TRABD: variants seen among roughly 807,000 people sequenced by gnomAD.
TRABD encodes TraB domain containing.
TRABD carries 23 observed loss-of-function variants against 39.6 expected under a neutral mutation model. The observed-to-expected ratio is 0.58, with a 90% CI of 0.42 to 0.82. The LOEUF is 0.82. TRABD is among the 40% of genes least tolerant of loss of function. The probability of loss-of-function intolerance (pLI) is 0.00; values close to 1 mark genes in which losing one functional copy is unlikely to be tolerated. For synonymous variants in TRABD, 243 were observed against 232.1 expected, an observed-to-expected ratio of 1.05 and a Z score of -0.43; for missense variants, 487 against 544.9, an observed-to-expected ratio of 0.89 and a Z score of 1.06.
intron 4 of TRABD, 78 bp downstream of exon 4, chr22:50,194,584 A>T: frequency 1.9e-6 from 3 of 1,539,804 alleles, no homozygotes; most frequent in Non-Finnish European, 2.6e-6. Flanking sequence ...ACCTCCCGGC[A>T]GGGCCCGTGT....
intron 5 of TRABD, 51 bp downstream of exon 5, chr22:50,195,091 T>C (rs1308309417): frequency 6.7e-7 from 1 of 1,502,906 alleles, no homozygotes; most frequent in Non-Finnish European, 8.9e-7. Context: ...CAAAGCCACC[T>C]GTTTGCCTGT....
intron 6 of TRABD, 46 bp downstream of exon 6, chr22:50,197,397 C>T: frequency 6.2e-7 from 1 of 1,612,232 alleles, no homozygotes; most frequent in Non-Finnish European, 8.5e-7. Context: ...ATGTGGCTCA[C>T]AGGGGTGGTC....
chr22:50,194,836 C>A, intron 4 of TRABD, 64 bp from the exon 5 acceptor site: 1 of 1,569,208 alleles, frequency 6.4e-7, no homozygotes, highest in South Asian at 1.2e-5. Flanking sequence ...CTGGTGCTGG[C>A]GTCAGCTGTG....
Position 50,197,878 on chromosome 22 carries a change from G to C in TRABD, c.727G>C (p.Glu243Gln). 1 of 1,611,852 alleles carries C rather than the reference G, an allele frequency of 6.2e-7. No homozygotes were observed. Among genetic ancestry groups the C allele is most frequent in the Non-Finnish European group, 8.5e-7 (1 of 1,179,676 alleles). Reference protein sequence around the residue: ...QKDLLEQMMAEMIGEFPDLHR... With the variant: ...QKDLLEQMMAQMIGEFPDLHR... ...GGACCTACTGGAGCAGATGATGGCCGAGATGATTGGCGAGTTCCCAGACCT... is the reference window on the plus strand; with the variant it reads ...GGACCTACTGGAGCAGATGATGGCCCAGATGATTGGCGAGTTCCCAGACCT... The change falls in exon 8 of 10, where the codon GAG (glutamate) becomes CAG (glutamine). Residue 243 changes from glutamate to glutamine, a missense_variant. Glu to Gln is a conservative substitution (Grantham distance 29). This residue lies in a region of TRABD where 358 missense variants were observed against 414.7 expected (regional missense o/e 0.86). Coordinates refer to ENST00000380909, the MANE Select transcript of TRABD (RefSeq NM_001320485.2).
At position 50,188,631 on chromosome 22, in the gene TRABD, G is replaced by A. The variant is rs143963136; in HGVS notation, c.-35+2655G>A. ...GGGCTATGCACTCATGACCTCATCCGAACCTGATCACCTCCTGGAGGCCCT... is the reference window on the plus strand; with the variant it reads ...GGGCTATGCACTCATGACCTCATCCAAACCTGATCACCTCCTGGAGGCCCT... On this transcript the variant is annotated intron_variant, in intron 1 of 9. Coordinates refer to ENST00000380909, the MANE Select transcript of TRABD (RefSeq NM_001320485.2). Among the ~76,000 whole-genome samples the A allele has an allele frequency of 3.4e-3, 524 of 152,326 alleles. 4 individuals carry two copies. Among genetic ancestry groups the A allele is most frequent in the African/African-American group, 0.012 (504 of 41,564 alleles).
Position 50,194,325 on chromosome 22 carries a change from G to A in TRABD, c.113-15G>A, listed in dbSNP as rs752449545. The A allele has an allele frequency of 1.9e-6, 3 of 1,609,862 alleles. No individual in the cohort carries two copies. In the South Asian group the frequency reaches 3.3e-5, roughly 18 times the overall value. Reference sequence around the variant, plus strand: ...GGTGGGCCCGGCACCACAACGGCCTGTGCTGCTGTTGCAGCCGACGTGGAC... The same window carrying A: ...GGTGGGCCCGGCACCACAACGGCCTATGCTGCTGTTGCAGCCGACGTGGAC... On this transcript the variant is annotated splice_polypyrimidine_tract_variant and intron_variant, in intron 3 of 9. Transcript: ENST00000380909.
Position 50,198,879 on chromosome 22 carries a change from C to G in TRABD, c.*360C>G. The stretch of plus-strand genomic sequence containing the variant: ...GGGGGACAATGGCCACTGTCCCTAC[C>G]TCACTGTGCCTTCCTGTGCTCCGGC... On this transcript the variant is annotated 3_prime_UTR_variant, in exon 10 of 10. Transcript: ENST00000380909. This position sits in a 1 kb window ranked among gnomAD's most constrained non-coding sequence, Gnocchi z 7.9. The G allele has an allele frequency of 1.8e-6, 1 of 565,104 alleles. No homozygotes were observed. Among genetic ancestry groups the G allele is most frequent in the Non-Finnish European group, 3.2e-6 (1 of 313,378 alleles). The allele number at this position is 565,104 out of a possible 1,614,324, so 35.0% of individuals were successfully genotyped here. A position where few individuals can be genotyped will look rare whatever the true frequency, so the allele number is the denominator to read the frequency against.
intron 1 of TRABD, among the ~76,000 whole-genome samples, chr22:50,189,866 G>T (rs1207736884): frequency 6.6e-6 from 1 of 152,220 alleles, no homozygotes; most frequent in Admixed American, 6.5e-5. Flanking sequence ...CTGGGAACCA[G>T]GTGGGGGTTC....
In TRABD at chr22:50,197,229, C is replaced by T. The variant is rs751732498; in HGVS notation, c.421-12C>T. 4 of 1,612,330 alleles carry T rather than the reference C, an allele frequency of 2.5e-6. No homozygotes were observed. Among genetic ancestry groups the T allele is most frequent in the Non-Finnish European group, 3.4e-6 (4 of 1,179,292 alleles). On this transcript the variant is annotated splice_polypyrimidine_tract_variant and intron_variant, in intron 5 of 9. Coordinates refer to ENST00000380909, the MANE Select transcript of TRABD (RefSeq NM_001320485.2). Reference sequence around the variant, plus strand: ...CGCCCCTCCAGCTGATGCCTGCTCCCTCTCTCTGCAGAACGGGCTCATGTC... The same window carrying T: ...CGCCCCTCCAGCTGATGCCTGCTCCTTCTCTCTGCAGAACGGGCTCATGTC...
rs369837265 is a variant in TRABD, at chr22:50,194,452, G to A, written c.225G>A (p.Val75=). Residue 75 remains valine, a synonymous_variant, in exon 4 of 10, where the codon GTG becomes GTA. Coordinates refer to ENST00000380909, the MANE Select transcript of TRABD (RefSeq NM_001320485.2). The part of the protein sequence containing the change: ...TQLVAEDGSR[V]YVVGTAHFSD... Reference sequence around the variant, plus strand: ...TGGTGGCTGAGGACGGGAGCAGGGTGTACGTGGTGGGGACAGCCCACTTCA... The same window carrying A: ...TGGTGGCTGAGGACGGGAGCAGGGTATACGTGGTGGGGACAGCCCACTTCA... 1 of 1,610,544 alleles carries A rather than the reference G, an allele frequency of 6.2e-7. No individual in the cohort carries two copies. The highest frequency in any genetic ancestry group is 8.5e-7 in the Non-Finnish European group (1 of 1,178,806).
At chr22:50,197,765 C>CCCCCCCCCCCCCCCCGGGG in intron 7 of TRABD, 58 bp from the exon 8 acceptor site, 3 of 754,056 alleles carry the variant, frequency 4.0e-6, no homozygotes, top group Non-Finnish European at 6.7e-6. Context: ...ACAGTGCCAG[C>CCCCCCCCCCCCCCCCGGGG]CCCACCCCCC....
chr22:50,193,768 C>T (rs1215307721), intron 3 of TRABD, 114 bp downstream of exon 3: 3 of 1,042,506 alleles, frequency 2.9e-6, no homozygotes, highest in African/African-American at 3.2e-5. Context: ...GAGCAGGGGC[C>T]CTGGCCGAGA....
chr22:50,197,238 C>A lies in TRABD; in HGVS notation c.421-3C>A. On this transcript the variant is annotated splice_region_variant and splice_polypyrimidine_tract_variant and intron_variant, in intron 5 of 9. Transcript: ENST00000380909. ...AGCTGATGCCTGCTCCCTCTCTCTGCAGAACGGGCTCATGTCGGGGCTGAT... is the reference window on the plus strand; with the variant it reads ...AGCTGATGCCTGCTCCCTCTCTCTGAAGAACGGGCTCATGTCGGGGCTGAT... 6.2e-7 allele frequency: 1 copy of A among 1,612,898 alleles called. No individual in the cohort carries two copies. Among genetic ancestry groups the A allele is most frequent in the Non-Finnish European group, 8.5e-7 (1 of 1,179,684 alleles).
intron 1 of TRABD, 151 bp from the exon 2 acceptor site, chr22:50,192,875 CT>C: frequency 1.8e-6 from 1 of 566,062 alleles, no homozygotes; most frequent in Non-Finnish European, 2.8e-6. Flanking sequence ...CCTCAGCAGC[CT>C]TTGATGGGCA....
chr22:50,187,919 G>T (rs936982017), intron 1 of TRABD, among the ~76,000 whole-genome samples: 1 of 151,560 alleles, frequency 6.6e-6, no homozygotes, highest in Non-Finnish European at 1.5e-5. Context: ...GGCAGAGCTT[G>T]CAGTGAGCCG....
intron 1 of TRABD, among the ~76,000 whole-genome samples, chr22:50,190,938 G>C (rs1015590430): frequency 5.3e-5 from 8 of 152,260 alleles, no homozygotes; most frequent in Non-Finnish European, 8.8e-5. Context: ...GCCCAGGCCA[G>C]GGTTGGGTCC....
Position 50,190,558 on chromosome 22 carries a change from C to T in TRABD, c.-34-2469C>T, listed in dbSNP as rs1275495831. The T allele has an allele frequency of 3.3e-5, 5 of 152,338 alleles. No individual in the cohort carries two copies. The East Asian group carries it at 9.6e-4, about 29-fold the overall frequency. The allele number at this position is 152,338 out of a possible 1,614,324, so 9.4% of individuals were successfully genotyped here. ...CTCCTGTTGGCTGGGCCGACGCAGC[C>T]TCCCGCCCGGCTGCACAGGAGTTTC... On this transcript the variant is annotated intron_variant, in intron 1 of 9. Transcript: ENST00000380909.
rs1408846652 is a variant in TRABD at position 50,198,765 on chromosome 22, G to T, written c.*246G>T. On this transcript the variant is annotated 3_prime_UTR_variant, in exon 10 of 10. Transcript: ENST00000380909. The surrounding 1 kb of genome is among the most constrained non-coding windows in gnomAD (Gnocchi z 7.9). ...CCCACACTGCAGGGGCCGTTCCCCA[G>T]CTTCTGGACAAGACACCCAGCTCCG... 7.4e-6 allele frequency: 4 copies of T among 543,728 alleles called. No individual in the cohort carries two copies. The East Asian group carries it at 1.2e-4, about 17-fold the overall frequency. The allele number at this position is 543,728 out of a possible 1,614,324, so 33.7% of individuals were successfully genotyped here.
chr22:50,197,775 C>T, intron 7 of TRABD, 48 bp from the exon 8 acceptor site: 1 of 1,487,950 alleles, frequency 6.7e-7, no homozygotes, highest in South Asian at 1.1e-5. Flanking sequence ...CCCCACCCCC[C>T]CAGCCCGTTG....
Sources: allele counts gnomAD v4.1 joint callset (sites outside exome capture counted in the v4.1 genomes callset), GRCh38; gene constraint gnomAD v4.1.1; regional missense constraint gnomAD v4.1.1; non-coding constraint Gnocchi (gnomAD v3.1); transcripts MANE v1.5; gene names NCBI Gene and HGNC (gene_info 2026-07-23, HGNC 2026-07-21).